Variants in KPNA3 observed in about 807,000 individuals in gnomAD.
The protein encoded by KPNA3 is importin subunit alpha-4.
A neutral mutation model predicts 73.8 loss-of-function variants in KPNA3; 13 were observed. That is an observed-to-expected ratio of 0.18 (90% confidence interval 0.11 to 0.28). The LOEUF is 0.28. Among genes scored for constraint, KPNA3 ranks in the 10% least tolerant of loss-of-function variants. KPNA3 has a pLI of 1.00. For synonymous variants in KPNA3, 186 were observed against 206.9 expected, an observed-to-expected ratio of 0.90 and a Z score of 0.87; for missense variants, 360 against 618.1, an observed-to-expected ratio of 0.58 and a Z score of 4.43.
At chr13:49,722,901 C>T (rs1954373373) in intron 7 of KPNA3, among the ~76,000 whole-genome samples, 3 of 143,250 alleles carry the variant, frequency 2.1e-5, no homozygotes, top group East Asian at 4.3e-4. Flanking sequence ...CTTTAGTCTA[C>T]AAAATCTCAA....
At chr13:49,767,362 C>T (rs1220826914) in intron 1 of KPNA3, among the ~76,000 whole-genome samples, 1 of 149,718 alleles carries the variant, frequency 6.7e-6, no homozygotes, top group East Asian at 2.0e-4. Flanking sequence ...TGCAGTGAGC[C>T]GAGATCACGC....
At chr13:49,752,798 G>A (rs1040707438) in intron 1 of KPNA3, among the ~76,000 whole-genome samples, 51 of 152,068 alleles carry the variant, frequency 3.4e-4, no homozygotes, top group African/African-American at 1.2e-3. Context: ...GGAGGCCGAG[G>A]CGGGCGGATC....
chr13:49,761,056 A>C (rs1954754684), intron 1 of KPNA3, among the ~76,000 whole-genome samples: 1 of 152,258 alleles, frequency 6.6e-6, no homozygotes, highest in African/African-American at 2.4e-5. Context: ...ACAAAAAAGT[A>C]GGACAAAAAC....
intron 2 of KPNA3, among the ~76,000 whole-genome samples, chr13:49,746,061 T>C (rs1484875662): frequency 4.1e-5 from 2 of 49,262 alleles, no homozygotes; most frequent in African/African-American, 1.5e-4. Flanking sequence ...AGACTCTGCA[T>C]CAGAAAAAAA....
At chr13:49,728,882 T>C (rs75023846) in intron 6 of KPNA3, among the ~76,000 whole-genome samples, 1 of 152,218 alleles carries the variant, frequency 6.6e-6, no homozygotes, top group Non-Finnish European at 1.5e-5. Flanking sequence ...TAGGAAATCA[T>C]TAGGTATCCA....
intron 2 of KPNA3, among the ~76,000 whole-genome samples, chr13:49,741,936 T>A (rs1193921850): frequency 6.6e-6 from 1 of 152,218 alleles, no homozygotes; most frequent in East Asian, 1.9e-4. Context: ...GTTGGCTGTG[T>A]TTTTGGGGTC....
intron 1 of KPNA3, among the ~76,000 whole-genome samples, chr13:49,779,238 A>G (rs1274728065): frequency 6.6e-6 from 1 of 152,242 alleles, no homozygotes; most frequent in Admixed American, 6.5e-5. Context: ...CCAAAATAAC[A>G]ATCTAGTACA....
intron 2 of KPNA3, 58 bp downstream of exon 2, chr13:49,746,891 C>T (rs1230845721): frequency 2.3e-6 from 3 of 1,298,426 alleles, no homozygotes; most frequent in Non-Finnish European, 3.3e-6. Context: ...TCAAGATACA[C>T]AGAATTTTAA....
intron 2 of KPNA3, among the ~76,000 whole-genome samples, chr13:49,743,578 C>CAA (rs150375280): frequency 9.2e-4 from 87 of 94,210 alleles, no homozygotes; most frequent in African/African-American, 3.2e-3. Flanking sequence ...TAATGTTAGC[C>CAA]AAAAAAAAAA....
At chr13:49,734,899 T>TTA (rs10675447) in intron 2 of KPNA3, among the ~76,000 whole-genome samples, 53,227 of 142,644 alleles carry the variant, frequency 0.37, 9,961 homozygotes, top group South Asian at 0.54. Flanking sequence ...AATTTTGACT[T>TTA]TATATATATA....
chr13:49,749,243 ATTAAT>A (rs1954642473), intron 1 of KPNA3, among the ~76,000 whole-genome samples: 4 of 152,230 alleles, frequency 2.6e-5, no homozygotes, highest in Admixed American at 2.6e-4. Context: ...TTAAGAGGTG[ATTAAT>A]TTAATGTTTT....
chr13:49,703,774 C>T (rs1026870820), intron 15 of KPNA3, among the ~76,000 whole-genome samples: 1 of 152,084 alleles, frequency 6.6e-6, no homozygotes, highest in Non-Finnish European at 1.5e-5. Context: ...CAATTTCACA[C>T]CTTAATATTC....
chr13:49,734,269 A>C lies in KPNA3; in HGVS notation c.115-1223T>G, dbSNP rs1372146125. Among the ~76,000 whole-genome samples, 34 of 152,186 alleles carry C rather than the reference A, an allele frequency of 2.2e-4. 1 individual carries two copies. Among genetic ancestry groups the C allele is most frequent in the Admixed American group, 2.2e-3 (34 of 15,282 alleles). On this transcript the variant is annotated intron_variant, in intron 2 of 16. Coordinates refer to ENST00000261667, the MANE Select transcript of KPNA3 (RefSeq NM_002267.4). The stretch of plus-strand genomic sequence containing the variant: ...ATCCATTAAGATTTCTTTTATACTC[A>C]ATATATTCAATATATTCAGACATAC...
Position 49,702,377 on chromosome 13 carries a change from T to A in KPNA3, c.1467+9A>T. ...CATGAAGATACACGCTATTTTAATA[T>A]CTACTTACATCATCACCAGAGAAAT... On this transcript the variant is annotated intron_variant, in intron 16 of 16. Transcript: ENST00000261667. The A allele has an allele frequency of 2.3e-6, 3 of 1,287,632 alleles. No individual in the cohort carries two copies. The highest frequency in any genetic ancestry group is 2.5e-5 in the South Asian group (2 of 80,220). 79.8% of individuals were successfully genotyped at this position (1,287,632 alleles called of 1,614,324 possible).
At chr13:49,716,089 C>G (rs982023960) in intron 10 of KPNA3, among the ~76,000 whole-genome samples, 1 of 152,042 alleles carries the variant, frequency 6.6e-6, no homozygotes, top group Non-Finnish European at 1.5e-5. Flanking sequence ...ATGACAATAT[C>G]TCAAAGGCTG....
intron 10 of KPNA3, among the ~76,000 whole-genome samples, chr13:49,712,035 GCCCA>G (rs1954264327): frequency 2.6e-5 from 4 of 152,102 alleles, no homozygotes; most frequent in Non-Finnish European, 4.4e-5. Context: ...TAAGAGCTGA[GCCCA>G]CCTACCAGCC....
chr13:49,708,623 C>G (rs1024799797), intron 12 of KPNA3, among the ~76,000 whole-genome samples: 1 of 151,978 alleles, frequency 6.6e-6, no homozygotes. Context: ...TGGAAACAAC[C>G]GAAGTGTCCA....
At chr13:49,791,766 A>G (rs934223210) in intron 1 of KPNA3, among the ~76,000 whole-genome samples, 4 of 152,246 alleles carry the variant, frequency 2.6e-5, no homozygotes, top group African/African-American at 7.2e-5. Context: ...AGCTCGCTCC[A>G]AATGCCAGCA....
chr13:49,721,637 G>A (rs574666586), intron 9 of KPNA3, among the ~76,000 whole-genome samples: 6 of 152,062 alleles, frequency 3.9e-5, no homozygotes, highest in Admixed American at 2.6e-4. Context: ...GGCTAACATG[G>A]TGAAACCCCG....
Sources: allele counts gnomAD v4.1 joint callset (sites outside exome capture counted in the v4.1 genomes callset), GRCh38; gene constraint gnomAD v4.1.1; transcripts MANE v1.5; gene names NCBI Gene and HGNC (gene_info 2026-07-23, HGNC 2026-07-21).